The following MICOS10 variants were observed in gnomAD, a reference collection of about 807,000 sequenced individuals.
MICOS10 encodes the protein MICOS complex subunit MIC10.
MICOS10 carries 5 observed loss-of-function variants against 13.4 expected under a neutral mutation model. The ratio of observed to expected loss-of-function variants is 0.37; its 90% CI spans 0.20 to 0.78. The LOEUF (loss-of-function observed/expected upper bound fraction) is 0.78, where lower values mean the gene tolerates loss of function less well. Ranked by LOEUF, MICOS10 falls within the 30% of genes least tolerant of loss-of-function variation. The pLI, the probability that MICOS10 is intolerant of heterozygous loss-of-function variation, is 0.47. For missense variants in MICOS10, 101 were observed against 94.6 expected, an observed-to-expected ratio of 1.07 and a Z score of -0.28; for synonymous variants, 35 against 33.6, an observed-to-expected ratio of 1.04 and a Z score of -0.15.
chr1:19,624,431 C>T (rs889667710), intron 3 of MICOS10, among the ~76,000 whole-genome samples: 3 of 151,962 alleles, frequency 2.0e-5, no homozygotes, highest in African/African-American at 2.4e-5. Context: ...GGATTACAGG[C>T]ACGAGCCACT....
At chr1:19,609,190 T>C (rs957361017) in intron 1 of MICOS10, among the ~76,000 whole-genome samples, 2 of 151,802 alleles carry the variant, frequency 1.3e-5, no homozygotes, top group Non-Finnish European at 2.9e-5. Context: ...TTTTTAATCA[T>C]AGGAAGACAA....
chr1:19,620,227 A>G (rs1237946600), intron 1 of MICOS10, among the ~76,000 whole-genome samples: 4 of 152,142 alleles, frequency 2.6e-5, no homozygotes, highest in African/African-American at 9.7e-5. Context: ...TTTTATTGTT[A>G]TGAAGTTTAA....
At chr1:19,605,174 G>A (rs1317523804) in intron 1 of MICOS10, among the ~76,000 whole-genome samples, 1 of 152,138 alleles carries the variant, frequency 6.6e-6, no homozygotes, top group Non-Finnish European at 1.5e-5. Flanking sequence ...TTATCCTTTG[G>A]GGTTAAAGGA....
chr1:19,611,940 G>A (rs1441848069), intron 1 of MICOS10, among the ~76,000 whole-genome samples: 1 of 143,940 alleles, frequency 6.9e-6, no homozygotes, highest in Non-Finnish European at 1.5e-5. Context: ...CCAGTGTATT[G>A]TAGTCTGGTG....
At chr1:19,608,455 G>A (rs747012579) in intron 1 of MICOS10, 40 of 1,277,288 alleles carry the variant, frequency 3.1e-5, no homozygotes, top group Middle Eastern at 1.8e-4. Context: ...GGGCCCAGTC[G>A]GCCCTCAGAG....
intron 1 of MICOS10, among the ~76,000 whole-genome samples, chr1:19,601,618 G>A (rs971309023): frequency 6.6e-6 from 1 of 150,558 alleles, no homozygotes; most frequent in Non-Finnish European, 1.5e-5. Context: ...AAAAAGAAAA[G>A]CAGTTATATT....
chr1:19,608,950 T>C (rs2094847065), intron 1 of MICOS10, among the ~76,000 whole-genome samples: 1 of 148,510 alleles, frequency 6.7e-6, no homozygotes, highest in African/African-American at 2.5e-5. Flanking sequence ...CCTGCCCCAG[T>C]GTCCGAAAAT....
At chr1:19,621,514 C>T (rs1413581999) in intron 1 of MICOS10, among the ~76,000 whole-genome samples, 6 of 152,134 alleles carry the variant, frequency 3.9e-5, no homozygotes, top group Non-Finnish European at 8.8e-5. Flanking sequence ...AGACTTGAGC[C>T]CAGATGACTG....
At chr1:19,603,969 C>T (rs1284325299) in intron 1 of MICOS10, among the ~76,000 whole-genome samples, 1 of 152,104 alleles carries the variant, frequency 6.6e-6, no homozygotes, top group Non-Finnish European at 1.5e-5. Flanking sequence ...AAAAGGCAAG[C>T]CATGGACATT....
rs1460710019 is a variant in MICOS10, at chr1:19,607,932, T to C, written c.64+10823T>C. On this transcript the variant is annotated intron_variant, in intron 1 of 3. Transcript: ENST00000322753. ...CCATACATACATGGTCAATTCGTTT[T>C]TGACAAGGCAATTTAATGGAGAAAG... is the stretch of plus-strand genomic sequence containing the variant. Among the ~76,000 whole-genome samples, 3 of 152,214 alleles carry C rather than the reference T, an allele frequency of 2.0e-5. No homozygotes were observed. In the East Asian group the frequency reaches 5.8e-4, roughly 29 times the overall value.
Position 19,628,167 on chromosome 1 carries a change from T to C in MICOS10, c.*1766T>C. Reference sequence around the variant, plus strand: ...GATCTCGGCCTGCTGCAACCTCCGCTTCCTGGGTTCAAGCGCTTCTCCTGC... The same window carrying C: ...GATCTCGGCCTGCTGCAACCTCCGCCTCCTGGGTTCAAGCGCTTCTCCTGC... On this transcript the variant is annotated 3_prime_UTR_variant, in exon 4 of 4. Transcript: ENST00000322753. 1 of 152,114 alleles carries C rather than the reference T, an allele frequency of 6.6e-6. No homozygotes were observed. The highest frequency in any genetic ancestry group is 1.5e-5 in the Non-Finnish European group (1 of 68,040). 9.4% of individuals were successfully genotyped at this position (152,114 alleles called of 1,614,324 possible).
intron 1 of MICOS10, among the ~76,000 whole-genome samples, chr1:19,599,535 CTT>C (rs944059793): frequency 9.9e-5 from 15 of 152,232 alleles, no homozygotes; most frequent in African/African-American, 2.2e-4. Context: ...GATTCAGACT[CTT>C]TTGCTGTAGG....
chr1:19,597,466 C>T (rs1173722526), intron 1 of MICOS10, among the ~76,000 whole-genome samples: 1 of 152,196 alleles, frequency 6.6e-6, no homozygotes, highest in Non-Finnish European at 1.5e-5. Context: ...TTCCCCGGCA[C>T]GCGGCGGGGA....
chr1:19,620,790 G>A (rs1224346588), intron 1 of MICOS10, among the ~76,000 whole-genome samples: 1 of 152,206 alleles, frequency 6.6e-6, no homozygotes, highest in African/African-American at 2.4e-5. Flanking sequence ...AATGGAGTCG[G>A]CATCATTCTT....
rs768118529 is a variant in MICOS10, at chr1:19,611,469, A to ATTTTTTTTTTTTTT, written c.65-10622_65-10609dup. Among the ~76,000 whole-genome samples the ATTTTTTTTTTTTTT allele has an allele frequency of 3.3e-4, 30 of 90,308 alleles. 3 individuals carry two copies. The highest frequency in any genetic ancestry group is 1.6e-3 in the African/African-American group (30 of 19,314). 59.2% of individuals were successfully genotyped at this position (90,308 alleles called of 152,430 possible). A position where few individuals can be genotyped will look rare whatever the true frequency, so the allele number is the denominator to read the frequency against. On this transcript the variant is annotated intron_variant, in intron 1 of 3. Coordinates refer to ENST00000322753, the MANE Select transcript of MICOS10 (RefSeq NM_001032363.4). ...TTCTCTTTATTCCAGTTGCAACTTG[A>ATTTTTTTTTTTTTT]TTTTTTTTTTTTTTTTTTTTTTGAG... is the stretch of plus-strand genomic sequence containing the variant.
At chr1:19,625,405 C>T (rs1350914131) in intron 3 of MICOS10, 25 of 1,289,114 alleles carry the variant, frequency 1.9e-5, no homozygotes, top group South Asian at 2.5e-5. Context: ...CTGCTGAAAC[C>T]GTCAGCTGCC....
intron 1 of MICOS10, among the ~76,000 whole-genome samples, chr1:19,610,499 C>T (rs547767315): frequency 6.7e-6 from 1 of 149,252 alleles, no homozygotes; most frequent in Admixed American, 6.7e-5. Context: ...CTGCCTCAGC[C>T]TCCTGAGCAG....
chr1:19,610,244 A>G (rs1558341504), intron 1 of MICOS10, among the ~76,000 whole-genome samples: 1 of 152,072 alleles, frequency 6.6e-6, no homozygotes, highest in East Asian at 1.9e-4. Flanking sequence ...TTAGATAGAC[A>G]GTATGAAAGG....
intron 1 of MICOS10, among the ~76,000 whole-genome samples, chr1:19,613,542 CA>C (rs1176737064): frequency 6.6e-6 from 1 of 152,212 alleles, no homozygotes; most frequent in African/African-American, 2.4e-5. Context: ...GCTCCTAGTA[CA>C]TCCTGTTTCT....
Sources: allele counts gnomAD v4.1 joint callset (sites outside exome capture counted in the v4.1 genomes callset), GRCh38; gene constraint gnomAD v4.1.1; transcripts MANE v1.5; gene names NCBI Gene and HGNC (gene_info 2026-07-23, HGNC 2026-07-21).